Variants in GMDS observed in about 807,000 individuals in gnomAD.
The protein encoded by GMDS is GDP-mannose 4,6 dehydratase.
GMDS carries 20 observed loss-of-function variants against 49.9 expected under a neutral mutation model. The observed-to-expected ratio is 0.40, with a 90% confidence interval of 0.28 to 0.58. The LOEUF (loss-of-function observed/expected upper bound fraction) is 0.58. GMDS is among the 20% of genes least tolerant of loss of function. The pLI, the probability that GMDS is intolerant of heterozygous loss-of-function variation, is 0.42. For synonymous variants in GMDS, 177 were observed against 178.6 expected (o/e 0.99, Z 0.07); for missense variants, 362 against 481.4 (o/e 0.75, Z 2.32).
At position 2,228,398 on chromosome 6, in the gene GMDS, T is replaced by C. The variant is rs80233102; in HGVS notation, c.102+16923A>G. 5.2e-4 allele frequency among the ~76,000 whole-genome samples: 79 copies of C among 152,298 alleles called. 1 individual carries two copies. In the East Asian group the frequency reaches 0.012, roughly 24 times the overall value. On this transcript the variant is annotated intron_variant, in intron 1 of 10. Transcript: ENST00000380815. ...ACTCCAAACCCTCTCCGTCCCACCT[T>C]AAGTGATCTGCCTTGAGCTGAGCCC...
chr6:2,029,518 T>G (rs1455291850), intron 4 of GMDS, among the ~76,000 whole-genome samples: 2 of 152,238 alleles, frequency 1.3e-5, no homozygotes, highest in Non-Finnish European at 2.9e-5. Flanking sequence ...CCCAGAATTA[T>G]GTCTGCATTG....
intron 1 of GMDS, among the ~76,000 whole-genome samples, chr6:2,235,613 C>A (rs1402973797): frequency 6.6e-6 from 1 of 151,070 alleles, no homozygotes; most frequent in African/African-American, 2.4e-5. Context: ...TGAAACCAGC[C>A]TGAGCAGCAC....
chr6:1,995,056 T>C (rs1405525674), intron 4 of GMDS, among the ~76,000 whole-genome samples: 2 of 152,064 alleles, frequency 1.3e-5, no homozygotes, highest in East Asian at 3.9e-4. Flanking sequence ...AGTAACCTTA[T>C]ACGAAGGCAC....
At chr6:1,737,842 G>C (rs115895015) in intron 8 of GMDS, among the ~76,000 whole-genome samples, 12 of 50,352 alleles carry the variant, frequency 2.4e-4, no homozygotes, top group East Asian at 6.6e-4. Flanking sequence ...CACACACACA[G>C]ATACGCGCAC....
At chr6:1,690,147 C>T (rs1171143555) in intron 9 of GMDS, among the ~76,000 whole-genome samples, 1 of 152,132 alleles carries the variant, frequency 6.6e-6, no homozygotes, top group African/African-American at 2.4e-5. Context: ...AAAAACTGGG[C>T]ACCCATTTAC....
intron 4 of GMDS, among the ~76,000 whole-genome samples, chr6:2,002,922 T>C (rs1022892234): frequency 2.0e-5 from 3 of 152,190 alleles, no homozygotes; most frequent in South Asian, 2.1e-4. Context: ...GGAAAAGTTC[T>C]TGTGGACAGG....
chr6:2,024,668 G>A (rs1768474931), intron 4 of GMDS, among the ~76,000 whole-genome samples: 1 of 150,976 alleles, frequency 6.6e-6, no homozygotes, highest in South Asian at 2.1e-4. Context: ...AGGAAATGAA[G>A]AAAATTCTAT....
intron 7 of GMDS, among the ~76,000 whole-genome samples, chr6:1,832,992 G>A (rs537519604): frequency 2.0e-3 from 311 of 152,256 alleles, no homozygotes; most frequent in Non-Finnish European, 3.9e-3. Flanking sequence ...GGCTACTGAA[G>A]ATCATTAGTA....
intron 9 of GMDS, among the ~76,000 whole-genome samples, chr6:1,674,297 C>T (rs1185570167): frequency 6.6e-6 from 1 of 152,070 alleles, no homozygotes; most frequent in Non-Finnish European, 1.5e-5. Context: ...TTTTCATATG[C>T]TTACTTGCCA....
chr6:1,894,142 ACAAAATGAAATCACGACCTATCATGTTCT>A (rs1160488626), intron 7 of GMDS, among the ~76,000 whole-genome samples: 2 of 152,366 alleles, frequency 1.3e-5, no homozygotes, highest in East Asian at 3.9e-4. Context: ...TTTTTCTTCA[ACAAAATGAAATCACGACCTATCATGTTCT>A]CAAAAAGTTA....
At chr6:2,020,311 TAAATA>T (rs1450984305) in intron 4 of GMDS, among the ~76,000 whole-genome samples, 1 of 151,574 alleles carries the variant, frequency 6.6e-6, no homozygotes, top group Admixed American at 6.6e-5. Context: ...CCTATATAAA[TAAATA>T]AAATAAATTA....
chr6:1,884,824 C>T (rs771071111), intron 7 of GMDS, among the ~76,000 whole-genome samples: 8 of 152,202 alleles, frequency 5.3e-5, no homozygotes, highest in Admixed American at 1.3e-4. Flanking sequence ...CTGAGCTGCG[C>T]GACCTCATAG....
chr6:1,710,502 G>A (rs1765907869), intron 9 of GMDS, among the ~76,000 whole-genome samples: 2 of 152,210 alleles, frequency 1.3e-5, no homozygotes, highest in Admixed American at 6.5e-5. Flanking sequence ...CCGCCTATCA[G>A]AGAACTGTGT....
Position 2,080,464 on chromosome 6 carries a change from A to C in GMDS, c.345+35307T>G, listed in dbSNP as rs565712198. 2.9e-4 allele frequency among the ~76,000 whole-genome samples: 44 copies of C among 152,224 alleles called. 1 individual carries two copies. The South Asian group carries it at 9.1e-3, about 32-fold the overall frequency. On this transcript the variant is annotated intron_variant, in intron 4 of 10. Coordinates refer to ENST00000380815, the MANE Select transcript of GMDS (RefSeq NM_001500.4). Reference sequence around the variant, plus strand: ...GCCTTCAATTTTTTGAATTTACTTTAACAGGGGAGGGCATTGTTTTGAACA... The same window carrying C: ...GCCTTCAATTTTTTGAATTTACTTTCACAGGGGAGGGCATTGTTTTGAACA...
chr6:1,690,003 G>A (rs935085058), intron 9 of GMDS, among the ~76,000 whole-genome samples: 4 of 151,958 alleles, frequency 2.6e-5, no homozygotes, highest in African/African-American at 9.7e-5. Context: ...TACTAGGGAG[G>A]CTAAGGCAGG....
chr6:2,047,987 A>G (rs188226908), intron 4 of GMDS, among the ~76,000 whole-genome samples: 144 of 152,200 alleles, frequency 9.5e-4, no homozygotes, highest in African/African-American at 3.3e-3. Flanking sequence ...ATAATGCTAT[A>G]CCCCTGGGTT....
chr6:2,220,738 T>G (rs1332243726), intron 1 of GMDS, among the ~76,000 whole-genome samples: 2 of 152,096 alleles, frequency 1.3e-5, no homozygotes, highest in African/African-American at 4.8e-5. Context: ...TATATACATT[T>G]CTCTACGTAT....
At chr6:1,987,820 C>G (rs1203957653) in intron 4 of GMDS, among the ~76,000 whole-genome samples, 2 of 152,180 alleles carry the variant, frequency 1.3e-5, no homozygotes, top group Non-Finnish European at 2.9e-5. Context: ...GTGCCAGGCA[C>G]TAGGCCAAGT....
chr6:1,921,079 G>A (rs115650666), intron 7 of GMDS, among the ~76,000 whole-genome samples: 2 of 152,258 alleles, frequency 1.3e-5, no homozygotes, highest in African/African-American at 4.8e-5. Context: ...TAGAACTTAA[G>A]CAGCACTTAC....
Sources: gnomAD v4.1 joint callset for allele counts (sites outside exome capture counted in the v4.1 genomes callset) on GRCh38, gnomAD v4.1.1 for gene constraint, MANE v1.5 for transcripts, NCBI Gene and HGNC (gene_info 2026-07-23, HGNC 2026-07-21) for gene names.